The following H6PD variants were observed in gnomAD, a reference collection of about 807,000 sequenced individuals.
The protein encoded by H6PD is hexose-6-phosphate dehydrogenase/glucose 1-dehydrogenase.
In H6PD, 48 loss-of-function variants were observed where a neutral mutation model predicts 61.2. The observed-to-expected ratio is 0.78, with a 90% CI of 0.62 to 1.00. The LOEUF is 1.00. Among genes scored for constraint, H6PD ranks in the 50% least tolerant of loss-of-function variants. The pLI is 0.00. For missense variants in H6PD, 1,093 were observed against 1,065.0 expected (o/e 1.03, Z -0.37); for synonymous variants, 480 against 457.9 (o/e 1.05, Z -0.62).
rs768360216 is a variant in H6PD at position 9,263,888 on chromosome 1, C to G, written c.1395C>G (p.Ile465Met). Residue 465 changes from isoleucine to methionine, a missense_variant, in exon 5 of 5, where the codon ATC (isoleucine) becomes ATG (methionine). Ile to Met is a conservative substitution (Grantham distance 10). Transcript: ENST00000377403. ...CCCACTCCGTCCTCTTATCCCATAT[C>G]TTCCATGGCCGGAAGAATTTCTTCA... Reference protein sequence around the residue: ...RDAHSVLLSHIFHGRKNFFIT... With the variant: ...RDAHSVLLSHMFHGRKNFFIT... 6.2e-7 allele frequency: 1 copy of G among 1,614,062 alleles called. No individual in the cohort carries two copies. The highest frequency in any genetic ancestry group is 8.5e-7 in the Non-Finnish European group (1 of 1,180,042).
At chr1:9,249,867 C>G (rs1049097151) in intron 3 of H6PD, among the ~76,000 whole-genome samples, 1 of 152,244 alleles carries the variant, frequency 6.6e-6, no homozygotes, top group Non-Finnish European at 1.5e-5. Context: ...GAGCCCAGCC[C>G]CCCAGCAAGT....
chr1:9,271,159 C>T lies in H6PD; in HGVS notation c.*6290C>T, dbSNP rs1176127495. On this transcript the variant is annotated 3_prime_UTR_variant, in exon 5 of 5. Transcript: ENST00000377403. ...ATGTTGGCCAGGCTGGTCTCGAACT[C>T]CTGACCTCAGGTGATCCATCCGCCT... The T allele has an allele frequency of 6.6e-6, 1 of 152,190 alleles. No homozygotes were observed. Among genetic ancestry groups the T allele is most frequent in the Non-Finnish European group, 1.5e-5 (1 of 68,066 alleles). The allele number at this position is 152,190 out of a possible 1,614,324, so 9.4% of individuals were successfully genotyped here.
intron 1 of H6PD, chr1:9,240,075 T>A: frequency 8.9e-7 from 1 of 1,118,258 alleles, no homozygotes; most frequent in Non-Finnish European, 1.1e-6. Flanking sequence ...TTGGAGACAG[T>A]GAAGGGTGCC....
chr1:9,264,814 T>G lies in H6PD; in HGVS notation c.2321T>G (p.Leu774Arg), dbSNP rs1638500380. 2 of 1,612,730 alleles carry G rather than the reference T, an allele frequency of 1.2e-6. No homozygotes were observed. Among genetic ancestry groups the G allele is most frequent in the Non-Finnish European group, 1.7e-6 (2 of 1,180,032 alleles). The change falls in exon 5 of 5, where the codon CTG becomes CGG. Residue 774 changes from leucine (L) to arginine (R), a missense_variant. Physicochemically the swap from Leu to Arg is moderately radical, Grantham distance 102. Coordinates refer to ENST00000377403, the MANE Select transcript of H6PD (RefSeq NM_004285.4). ...EPKKWPISGV[L>R]PHSGQLVWYM... ...AAGAAGTGGCCCATCTCGGGTGTCC[T>G]GCCGCACTCCGGCCAGCTGGTGTGG...
intron 3 of H6PD, among the ~76,000 whole-genome samples, chr1:9,253,510 C>T (rs759949673): frequency 2.0e-5 from 3 of 152,112 alleles, no homozygotes; most frequent in Non-Finnish European, 4.4e-5. Context: ...CATATTTGGA[C>T]GTCTCTGAAG....
intron 3 of H6PD, among the ~76,000 whole-genome samples, chr1:9,247,802 A>T (rs1641232144): frequency 6.6e-6 from 1 of 151,194 alleles, no homozygotes; most frequent in African/African-American, 2.4e-5. Context: ...CTGTGAGATG[A>T]GCATGTCCTG....
At chr1:9,261,106 C>T (rs1275365445) in intron 3 of H6PD, among the ~76,000 whole-genome samples, 1 of 152,150 alleles carries the variant, frequency 6.6e-6, no homozygotes, top group African/African-American at 2.4e-5. Context: ...TGTGCAGCCT[C>T]TTCCTTGCCT....
At chr1:9,263,211 G>A (rs533801363) in intron 4 of H6PD, among the ~76,000 whole-genome samples, 5 of 152,312 alleles carry the variant, frequency 3.3e-5, no homozygotes, top group African/African-American at 1.2e-4. Context: ...GTCCTTTAGA[G>A]TCTCCAGGTT....
intron 1 of H6PD, among the ~76,000 whole-genome samples, chr1:9,242,028 G>A (rs1225686597): frequency 1.3e-5 from 2 of 152,206 alleles, no homozygotes; most frequent in Non-Finnish European, 2.9e-5. Context: ...ATGGGCGCAT[G>A]AAACCATTTG....
chr1:9,239,967 T>C (rs921621013), intron 1 of H6PD: 37 of 1,231,060 alleles, frequency 3.0e-5, no homozygotes, highest in Non-Finnish European at 3.7e-5. Flanking sequence ...TGGATTCTGA[T>C]CCAAACCCCC....
intron 3 of H6PD, among the ~76,000 whole-genome samples, chr1:9,256,591 C>T (rs909721084): frequency 7.9e-5 from 12 of 152,180 alleles, no homozygotes; most frequent in Non-Finnish European, 1.6e-4. Flanking sequence ...GCGCCATGGA[C>T]CCAGAGTGGC....
intron 1 of H6PD, among the ~76,000 whole-genome samples, chr1:9,236,758 G>T (rs1234471956): frequency 6.6e-6 from 1 of 151,836 alleles, no homozygotes; most frequent in Admixed American, 6.6e-5. Context: ...GCTTCCCATC[G>T]ATTTGTTTTC....
intron 1 of H6PD, chr1:9,242,827 G>T (rs1441723633): frequency 1.0e-6 from 1 of 985,386 alleles, no homozygotes; most frequent in African/African-American, 1.7e-5. Context: ...CTGGGCTTCA[G>T]ATTTCTTGCT....
rs762995061 is a variant in H6PD at position 9,264,379 on chromosome 1, C to G, written c.1886C>G (p.Pro629Arg). Residue 629 changes from proline (P) to arginine (R), a missense_variant, in exon 5 of 5, where the codon CCG becomes CGG. Pro to Arg is a moderately radical substitution (Grantham distance 103, BLOSUM62 -2). Transcript: ENST00000377403. ...GAGCGCTGCGTCCCACTCTCAGACC[C>G]GGAGTCCAACTTCCAGGGCCTGCAG... ...VDERCVPLSD[P>R]ESNFQGLQAH... 1 of 1,612,868 alleles carries G rather than the reference C, an allele frequency of 6.2e-7. No individual in the cohort carries two copies. Among genetic ancestry groups the G allele is most frequent in the East Asian group, 2.2e-5 (1 of 44,884 alleles).
In H6PD at chr1:9,269,292, T is replaced by A. The variant is rs576454513; in HGVS notation, c.*4423T>A. The A allele has an allele frequency of 2.0e-5, 3 of 152,468 alleles. No individual in the cohort carries two copies. Among genetic ancestry groups the A allele is most frequent in the Non-Finnish European group, 2.9e-5 (2 of 68,122 alleles). 9.4% of individuals were successfully genotyped at this position (152,468 alleles called of 1,614,324 possible). ...ATTCCCTCTCTCCGCAACTCTCCCG[T>A]GAGGCTGCACCCGTGTGGGTAGCAC... On this transcript the variant is annotated 3_prime_UTR_variant, in exon 5 of 5. Transcript: ENST00000377403. The surrounding 1 kb of genome is among the most constrained non-coding windows in gnomAD (Gnocchi z 4.3).
At chr1:9,258,911 G>A (rs567931159) in intron 3 of H6PD, among the ~76,000 whole-genome samples, 9 of 152,150 alleles carry the variant, frequency 5.9e-5, no homozygotes, top group African/African-American at 4.8e-5. Flanking sequence ...TTGTTACATC[G>A]GTGTTATGTT....
rs1641455655 is a variant in H6PD at position 9,254,385 on chromosome 1, A to C, written c.745+7302A>C. Among the ~76,000 whole-genome samples the C allele has an allele frequency of 6.7e-6, 1 of 148,774 alleles. No individual in the cohort carries two copies. The highest frequency in any genetic ancestry group is 6.6e-5 in the Admixed American group (1 of 15,196). ...ATAAAACAAAATAAGATAAGATAAA[A>C]TAAGATAAAATAAACTGGAGCAGCC... On this transcript the variant is annotated intron_variant, in intron 3 of 4. Transcript: ENST00000377403. The surrounding 1 kb of genome is among the most constrained non-coding windows in gnomAD (Gnocchi z 4.6).
chr1:9,261,996 G>A (rs1357344083), intron 3 of H6PD, 63 bp from the exon 4 acceptor site: 19 of 1,549,448 alleles, frequency 1.2e-5, no homozygotes, highest in South Asian at 6.7e-5. Flanking sequence ...GGTGCACCTC[G>A]GGGAGATCTG....
intron 3 of H6PD, among the ~76,000 whole-genome samples, chr1:9,253,141 C>G (rs568775161): frequency 6.6e-6 from 1 of 152,172 alleles, no homozygotes; most frequent in Non-Finnish European, 1.5e-5. Context: ...AGGCCACAGT[C>G]CCAGTCACTG....
Sources: allele counts gnomAD v4.1 joint callset (sites outside exome capture counted in the v4.1 genomes callset), GRCh38; gene constraint gnomAD v4.1.1; non-coding constraint Gnocchi (gnomAD v3.1); transcripts MANE v1.5; gene names NCBI Gene and HGNC (gene_info 2026-07-23, HGNC 2026-07-21).